DNAH6: variants seen among roughly 807,000 people sequenced by gnomAD.
The protein encoded by DNAH6 is dynein axonemal heavy chain 6.
In DNAH6, 340 loss-of-function variants were observed where a neutral mutation model predicts 491.4. That is an observed-to-expected ratio of 0.69 (90% CI 0.63 to 0.76). The LOEUF (loss-of-function observed/expected upper bound fraction) is 0.76. DNAH6 is among the 30% of genes least tolerant of loss of function. The probability of loss-of-function intolerance (pLI) is 0.00; values close to 1 mark genes in which losing one functional copy is unlikely to be tolerated. For synonymous variants in DNAH6, 1,603 were observed against 1,686.1 expected, an observed-to-expected ratio of 0.95 and a Z score of 1.21; for missense variants, 4,443 against 4,972.2, an observed-to-expected ratio of 0.89 and a Z score of 3.20.
chr2:84,710,931 A>G (rs1473110257), intron 56 of DNAH6, among the ~76,000 whole-genome samples: 1 of 152,138 alleles, frequency 6.6e-6, no homozygotes, highest in Non-Finnish European at 1.5e-5. Context: ...TTCTTTGGCT[A>G]TCATTGCAAG....
At chr2:84,623,204 C>T (rs2104410963) in intron 26 of DNAH6, among the ~76,000 whole-genome samples, 1 of 152,224 alleles carries the variant, frequency 6.6e-6, no homozygotes, top group South Asian at 2.1e-4. Flanking sequence ...TTGGATATAA[C>T]ACCAAAAGCA....
intron 28 of DNAH6, 55 bp from the exon 29 acceptor site, chr2:84,624,847 T>C (rs1687713620): frequency 6.8e-7 from 1 of 1,467,848 alleles, no homozygotes; most frequent in Non-Finnish European, 9.1e-7. Context: ...GGAAATGCCT[T>C]AATTTGTGGC....
chr2:84,516,455 G>A (rs1277794153), upstream of DNAH6: 4 of 152,248 alleles, frequency 2.6e-5, no homozygotes, highest in African/African-American at 9.6e-5. Context: ...GTGGCGCAGT[G>A]CTTCCGTAGA....
chr2:84,622,833 A>G (rs1687521457), intron 26 of DNAH6, among the ~76,000 whole-genome samples: 1 of 152,140 alleles, frequency 6.6e-6, no homozygotes, highest in Non-Finnish European at 1.5e-5. Context: ...GCCCTTGCCA[A>G]CATGGGTTAT....
chr2:84,489,584 T>C, the DNAH6 span, among the ~76,000 whole-genome samples: 1 of 152,180 alleles, frequency 6.6e-6, no homozygotes, highest in Non-Finnish European at 1.5e-5. Context: ...CTTTTTTTCT[T>C]TCTTTCTCTA....
At chr2:84,753,300 G>T (rs188984202) in intron 63 of DNAH6, among the ~76,000 whole-genome samples, 1 of 151,984 alleles carries the variant, frequency 6.6e-6, no homozygotes, top group Non-Finnish European at 1.5e-5. Flanking sequence ...TATATGATTT[G>T]CAAGAATGTT....
chr2:84,598,761 G>T (rs1684927323), intron 18 of DNAH6, among the ~76,000 whole-genome samples: 1 of 152,140 alleles, frequency 6.6e-6, no homozygotes, highest in South Asian at 2.1e-4. Context: ...GCCGGGCACG[G>T]TGGCTCATGC....
At chr2:84,724,685 C>T (rs1698459951) in intron 60 of DNAH6, among the ~76,000 whole-genome samples, 1 of 152,204 alleles carries the variant, frequency 6.6e-6, no homozygotes. Context: ...ATGGCTGACT[C>T]ACATGGCTGG....
chr2:84,482,037 C>G, the DNAH6 span, among the ~76,000 whole-genome samples: 1 of 152,142 alleles, frequency 6.6e-6, no homozygotes, highest in East Asian at 1.9e-4. Context: ...TTCAAAGGCT[C>G]CCAAGTGGTT....
Position 84,577,265 on chromosome 2 carries a change from T to A in DNAH6, c.1933T>A (p.Phe645Ile), listed in dbSNP as rs762319598. ...ALKLQEPDIN[F>I]FSEQLEKYHK... ...TGAATTTTTTTATGTAGATATTAAC[T>A]TTTTTAGTGAACAACTGGAAAAATA... Residue 645 changes from phenylalanine (F) to isoleucine (I), a missense_variant, in exon 13 of 77, where the codon TTT becomes ATT. By Grantham distance (21) the Phe-to-Ile change is conservative. This residue lies in a region of DNAH6 where 2,977 missense variants were observed against 3,296.6 expected (regional missense o/e 0.90). Coordinates refer to ENST00000389394, the MANE Select transcript of DNAH6 (RefSeq NM_001370.2). The A allele has an allele frequency of 1.0e-5, 16 of 1,580,138 alleles. No individual in the cohort carries two copies. In the Admixed American group the frequency reaches 3.0e-4, roughly 30 times the overall value.
intron 62 of DNAH6, 95 bp downstream of exon 62, chr2:84,733,674 A>AT (rs1205077944): frequency 1.4e-5 from 16 of 1,143,502 alleles, no homozygotes; most frequent in Non-Finnish European, 1.7e-5. Flanking sequence ...TAATGTCAGC[A>AT]TTTTTCACTA....
In DNAH6 at chr2:84,529,173, TA is replaced by T. The variant is rs1165165491; in HGVS notation, c.662+8del. 7 of 1,518,174 alleles carry T rather than the reference TA, an allele frequency of 4.6e-6. No individual in the cohort carries two copies. The African/African-American group carries it at 8.3e-5, about 18-fold the overall frequency. 94.0% of individuals were successfully genotyped at this position (1,518,174 alleles called of 1,614,324 possible). ...ATGATACATATAATCTAAAGTGAGTTATTTTTTATGATGCAATTTAACATAA... is the reference window on the plus strand; with the variant it reads ...ATGATACATATAATCTAAAGTGAGTTTTTTTTATGATGCAATTTAACATAA... On this transcript the variant is annotated splice_region_variant and intron_variant, in intron 4 of 76. Coordinates refer to ENST00000389394, the MANE Select transcript of DNAH6 (RefSeq NM_001370.2).
At chr2:84,537,961 A>G (rs764094029) in intron 4 of DNAH6, among the ~76,000 whole-genome samples, 15 of 152,110 alleles carry the variant, frequency 9.9e-5, no homozygotes, top group East Asian at 1.9e-4. Context: ...ACTATAGTAT[A>G]TGCCAAATCT....
At chr2:84,535,745 C>A (rs188506671) in intron 4 of DNAH6, among the ~76,000 whole-genome samples, 67 of 150,734 alleles carry the variant, frequency 4.4e-4, no homozygotes, top group African/African-American at 1.5e-3. Context: ...TATAGATGAT[C>A]ATAATCCAAG....
At chr2:84,717,830 T>G (rs1573588550) in intron 58 of DNAH6, among the ~76,000 whole-genome samples, 1 of 152,184 alleles carries the variant, frequency 6.6e-6, no homozygotes. Context: ...AGAAAGAATA[T>G]TCAAGGCATC....
intron 44 of DNAH6, 36 bp from the exon 45 acceptor site, chr2:84,688,403 A>G: frequency 2.7e-6 from 4 of 1,461,144 alleles, no homozygotes; most frequent in Non-Finnish European, 3.6e-6. Context: ...GTCTATCAGA[A>G]TTGATCCAAC....
chr2:84,549,394 G>T (rs1317803166), intron 8 of DNAH6, among the ~76,000 whole-genome samples: 4 of 152,168 alleles, frequency 2.6e-5, no homozygotes, highest in African/African-American at 7.2e-5. Flanking sequence ...TAAATGTCTT[G>T]CTGACTCAGT....
At chr2:84,657,519 C>T (rs929791431) in intron 35 of DNAH6, among the ~76,000 whole-genome samples, 7 of 151,924 alleles carry the variant, frequency 4.6e-5, no homozygotes, top group African/African-American at 1.7e-4. Context: ...AGTATTATAG[C>T]TTGTCTTATA....
intron 4 of DNAH6, among the ~76,000 whole-genome samples, chr2:84,540,457 A>G (rs755229137): frequency 6.6e-6 from 1 of 152,184 alleles, no homozygotes; most frequent in Non-Finnish European, 1.5e-5. Flanking sequence ...AAGCATTTTC[A>G]ATCACTGCAG....
Sources: allele counts gnomAD v4.1 joint callset (sites outside exome capture counted in the v4.1 genomes callset), GRCh38; gene constraint gnomAD v4.1.1; regional missense constraint gnomAD v4.1.1; transcripts MANE v1.5; gene names NCBI Gene and HGNC (gene_info 2026-07-23, HGNC 2026-07-21).